The following GSG1L variants were observed in gnomAD, a reference collection of about 807,000 sequenced individuals.
GSG1L encodes the protein GSG1 like.
GSG1L carries 24 observed loss-of-function variants against 42.1 expected under a neutral mutation model. That is an observed-to-expected ratio of 0.57 (90% CI 0.41 to 0.80). The LOEUF (loss-of-function observed/expected upper bound fraction) is 0.80, where lower values mean the gene tolerates loss of function less well. Among genes scored for constraint, GSG1L ranks in the 30% least tolerant of loss-of-function variants. GSG1L has a pLI of 0.00. For synonymous variants in GSG1L, 215 were observed against 203.5 expected (o/e 1.06, Z -0.48); for missense variants, 445 against 472.2 (o/e 0.94, Z 0.53).
At chr16:27,885,002 G>A (rs566004407) in intron 2 of GSG1L, among the ~76,000 whole-genome samples, 117 of 152,250 alleles carry the variant, frequency 7.7e-4, no homozygotes, top group Non-Finnish European at 1.2e-3. Flanking sequence ...GTGATGGAAC[G>A]ATGGCCTCAT....
intron 5 of GSG1L, among the ~76,000 whole-genome samples, chr16:27,822,576 C>G (rs183374559): frequency 1.3e-5 from 2 of 152,124 alleles, no homozygotes; most frequent in Non-Finnish European, 2.9e-5. Context: ...TGCCACCACA[C>G]CCAGCTAATC....
At chr16:28,058,052 C>T (rs187441315) in intron 1 of GSG1L, among the ~76,000 whole-genome samples, 24 of 152,302 alleles carry the variant, frequency 1.6e-4, no homozygotes, top group East Asian at 1.5e-3. Flanking sequence ...GAGCCAAACC[C>T]GGGGCTCGTG....
At chr16:28,023,986 C>T (rs1051575011) in intron 1 of GSG1L, among the ~76,000 whole-genome samples, 1 of 152,158 alleles carries the variant, frequency 6.6e-6, no homozygotes, top group Non-Finnish European at 1.5e-5. Flanking sequence ...GCCGTGATCA[C>T]ACCACTGCAC....
intron 1 of GSG1L, among the ~76,000 whole-genome samples, chr16:27,979,730 A>AAGGAAGGAAGGAAGGAAG (rs1567542974): frequency 1.9e-4 from 12 of 62,296 alleles, no homozygotes; most frequent in South Asian, 2.0e-3. Context: ...AAGGAAGGAA[A>AAGGAAGGAAGGAAGGAAG]GAAAAAGAAA....
intron 5 of GSG1L, chr16:27,823,867 G>A (rs1229008690): frequency 1.4e-6 from 1 of 702,988 alleles, no homozygotes; most frequent in African/African-American, 1.7e-5. Flanking sequence ...CTTACCAGCT[G>A]TGTGACCTGG....
intron 1 of GSG1L, among the ~76,000 whole-genome samples, chr16:28,053,938 C>T (rs2086249025): frequency 6.6e-6 from 1 of 152,184 alleles, no homozygotes; most frequent in Admixed American, 6.5e-5. Flanking sequence ...TGTCTCTCTC[C>T]TCGCTCGCTC....
Position 27,845,119 on chromosome 16 carries a change from A to G in GSG1L, c.551-58T>C, listed in dbSNP as rs2083429014. On this transcript the variant is annotated intron_variant, in intron 3 of 6. Transcript: ENST00000447459. ...AAGTAAGGAAGGGCTTTGTCCCCACACACCCACAGCCTCTCTGCTGCCTGC... is the reference window on the plus strand; with the variant it reads ...AAGTAAGGAAGGGCTTTGTCCCCACGCACCCACAGCCTCTCTGCTGCCTGC... The G allele has an allele frequency of 7.0e-6, 8 of 1,148,136 alleles. No homozygotes were observed. The South Asian group carries it at 7.9e-5, about 11-fold the overall frequency. 71.1% of individuals were successfully genotyped at this position (1,148,136 alleles called of 1,614,324 possible).
At chr16:27,921,964 C>G (rs770803973) in intron 2 of GSG1L, among the ~76,000 whole-genome samples, 1 of 150,476 alleles carries the variant, frequency 6.6e-6, no homozygotes, top group Non-Finnish European at 1.5e-5. Context: ...TCTTTTCTCT[C>G]TCTCTGTTTT....
At chr16:27,868,465 TGAG>T (rs1596569361) in intron 3 of GSG1L, among the ~76,000 whole-genome samples, 1 of 152,170 alleles carries the variant, frequency 6.6e-6, no homozygotes, top group Non-Finnish European at 1.5e-5. Flanking sequence ...CCAAGGCTAA[TGAG>T]GAGAGTGACA....
At chr16:27,887,431 A>G (rs1479900470) in intron 2 of GSG1L, among the ~76,000 whole-genome samples, 2 of 152,246 alleles carry the variant, frequency 1.3e-5, no homozygotes, top group Non-Finnish European at 2.9e-5. Flanking sequence ...AGATCCAGCC[A>G]TGCCTGAGGC....
intron 1 of GSG1L, 118 bp downstream of exon 1, chr16:28,062,958 G>T (rs907315095): frequency 2.5e-6 from 3 of 1,187,620 alleles, no homozygotes; most frequent in Admixed American, 9.1e-5. Flanking sequence ...CAGGCGGAGC[G>T]CTGGGAGCTG....
rs59254926 is a variant in GSG1L, at chr16:27,852,807, A to C, written c.551-7746T>G. ...CATGGCTGTGGCCTGAGAACAGGCG[A>C]GAGGAGCAGGAGGCAGGGAGCCTGG... On this transcript the variant is annotated intron_variant, in intron 3 of 6. Transcript: ENST00000447459. 2.1e-3 allele frequency among the ~76,000 whole-genome samples: 313 copies of C among 152,232 alleles called. 1 individual carries two copies. Among genetic ancestry groups the C allele is most frequent in the African/African-American group, 7.0e-3 (291 of 41,558 alleles).
chr16:27,978,690 C>CAAA (rs11409403), intron 1 of GSG1L, among the ~76,000 whole-genome samples: 16,777 of 89,570 alleles, frequency 0.19, 1,643 homozygotes, highest in East Asian at 0.42. Context: ...GACTCCATCT[C>CAAA]AAAAAAAAAA....
chr16:28,045,504 G>A (rs2086150671), intron 1 of GSG1L, among the ~76,000 whole-genome samples: 1 of 151,404 alleles, frequency 6.6e-6, no homozygotes, highest in South Asian at 2.1e-4. Flanking sequence ...GTGAAACCCT[G>A]TCTCTACAAA....
chr16:27,828,942 G>A lies in GSG1L; in HGVS notation c.677C>T (p.Ser226Phe). The A allele has an allele frequency of 6.2e-7, 1 of 1,614,174 alleles. No homozygotes were observed. Among genetic ancestry groups the A allele is most frequent in the Non-Finnish European group, 8.5e-7 (1 of 1,180,008 alleles). Reference sequence around the variant, plus strand: ...AGAGGCTGCCATGCAGCAGGTAAAGGAGCCCCACGCCAGGCTGCCAAGAGA... The same window carrying A: ...AGAGGCTGCCATGCAGCAGGTAAAGAAGCCCCACGCCAGGCTGCCAAGAGA... Reference protein sequence around the residue: ...YGWSFCLAWGSFTCCMAASVT... With the variant: ...YGWSFCLAWGFFTCCMAASVT... Residue 226 changes from serine (S) to phenylalanine (F), a missense_variant, in exon 5 of 7, where the codon TCC becomes TTC. Around this residue, in one of 3 missense-constraint regions of GSG1L, gnomAD observed 149 missense variants for 223.3 expected, o/e 0.67. Coordinates refer to ENST00000447459, the MANE Select transcript of GSG1L (RefSeq NM_001109763.2).
At chr16:28,001,001 T>C (rs1366078866) in intron 1 of GSG1L, among the ~76,000 whole-genome samples, 3 of 152,214 alleles carry the variant, frequency 2.0e-5, no homozygotes, top group Non-Finnish European at 4.4e-5. Flanking sequence ...TTCTCAATTA[T>C]TCAGGGCTGA....
intron 2 of GSG1L, among the ~76,000 whole-genome samples, chr16:27,910,126 C>CTTTTTT (rs11455704): frequency 7.3e-6 from 1 of 136,952 alleles, no homozygotes. Context: ...TGCCTGGCTA[C>CTTTTTT]TTTTTTTTTT....
Position 27,888,553 on chromosome 16 carries a change from T to C in GSG1L, c.398-3915A>G, listed in dbSNP as rs974064480. Among the ~76,000 whole-genome samples the C allele has an allele frequency of 1.7e-3, 32 of 19,294 alleles. 3 individuals are homozygous for C. Among genetic ancestry groups the C allele is most frequent in the Middle Eastern group, 0.062 (2 of 32 alleles). 12.7% of individuals were successfully genotyped at this position (19,294 alleles called of 152,430 possible). A position where few individuals can be genotyped will look rare whatever the true frequency, so the allele number is the denominator to read the frequency against. ...TTTCTTTCTTTCTTTCTTTCTTTCT[T>C]TCTTTCTTTCTTTCTTTCTTTCTTT... On this transcript the variant is annotated intron_variant, in intron 2 of 6. Transcript: ENST00000447459.
intron 2 of GSG1L, among the ~76,000 whole-genome samples, chr16:27,900,222 C>T (rs1046230503): frequency 6.6e-6 from 1 of 152,232 alleles, no homozygotes; most frequent in Non-Finnish European, 1.5e-5. Context: ...CACCCAGTGA[C>T]AACCACGCTC....
Sources: gnomAD v4.1 joint callset for allele counts (sites outside exome capture counted in the v4.1 genomes callset) on GRCh38, gnomAD v4.1.1 for gene constraint, gnomAD v4.1.1 regional missense constraint, MANE v1.5 for transcripts, NCBI Gene and HGNC (gene_info 2026-07-23, HGNC 2026-07-21) for gene names.